The following SEMA3D variants were observed in gnomAD, a reference collection of about 807,000 sequenced individuals.
SEMA3D encodes the protein semaphorin-3D.
In SEMA3D, 84 loss-of-function variants were observed where a neutral mutation model predicts 100.1. The observed-to-expected ratio is 0.84, with a 90% CI of 0.70 to 1.01. The LOEUF (loss-of-function observed/expected upper bound fraction) is 1.01, where lower values mean the gene tolerates loss of function less well. Ranked by LOEUF, SEMA3D falls within the 50% of genes least tolerant of loss-of-function variation. SEMA3D has a pLI of 0.00. For synonymous variants in SEMA3D, 312 were observed against 320.7 expected, an observed-to-expected ratio of 0.97 and a Z score of 0.29; for missense variants, 875 against 934.1, an observed-to-expected ratio of 0.94 and a Z score of 0.82.
the SEMA3D span, among the ~76,000 whole-genome samples, chr7:85,205,940 C>T: frequency 1.3e-5 from 2 of 152,110 alleles, no homozygotes; most frequent in African/African-American, 4.8e-5. Flanking sequence ...AGTCACAGGT[C>T]AGGCAGTTTC....
intron 9 of SEMA3D, among the ~76,000 whole-genome samples, chr7:85,044,490 A>G (rs1330184811): frequency 6.6e-6 from 1 of 152,170 alleles, no homozygotes; most frequent in African/African-American, 2.4e-5. Context: ...TTTTAAAATA[A>G]TAACTTTGAA....
At chr7:85,208,196 T>G in the SEMA3D span, among the ~76,000 whole-genome samples, 5 of 152,028 alleles carry the variant, frequency 3.3e-5, no homozygotes, top group African/African-American at 1.2e-4. Flanking sequence ...CTTAAACATT[T>G]AAAATATTTT....
chr7:85,202,831 T>TG, the SEMA3D span, among the ~76,000 whole-genome samples: 2 of 151,780 alleles, frequency 1.3e-5, no homozygotes, highest in Admixed American at 6.6e-5. Context: ...TCTCTTTTTT[T>TG]TTAAACACAA....
chr7:85,186,236 C>T (rs1195654187), intron 1 of SEMA3D, among the ~76,000 whole-genome samples: 5 of 152,166 alleles, frequency 3.3e-5, no homozygotes, highest in Non-Finnish European at 4.4e-5. Flanking sequence ...CCGACTAAAG[C>T]GTCTCCAAAT....
At chr7:85,159,483 C>T (rs949078126) in intron 1 of SEMA3D, among the ~76,000 whole-genome samples, 5 of 152,136 alleles carry the variant, frequency 3.3e-5, no homozygotes, top group African/African-American at 1.2e-4. Context: ...CACTTCCATC[C>T]TCTGGTCATA....
chr7:85,134,983 T>C lies in SEMA3D; in HGVS notation c.-40-13052A>G, dbSNP rs539937133. Among the ~76,000 whole-genome samples, 4 of 151,758 alleles carry C rather than the reference T, an allele frequency of 2.6e-5. No individual in the cohort carries two copies. In the South Asian group the frequency reaches 6.2e-4, roughly 24 times the overall value. On this transcript the variant is annotated intron_variant, in intron 2 of 18. Transcript: ENST00000284136. ...ATTCTTTGTAATTCTGGGTATCTTT[T>C]TGCAAGTTTTTAGAACCACATTTTT...
intron 17 of SEMA3D, 97 bp downstream of exon 17, chr7:85,012,685 C>G: frequency 1.1e-6 from 1 of 894,782 alleles, no homozygotes; most frequent in East Asian, 2.6e-5. Context: ...TGGAGATATT[C>G]TTATATAATA....
chr7:85,083,318 G>T (rs1446486208), intron 4 of SEMA3D, among the ~76,000 whole-genome samples: 2 of 152,068 alleles, frequency 1.3e-5, no homozygotes, highest in Non-Finnish European at 2.9e-5. Context: ...AAGAAAAAGA[G>T]AATAATGTAA....
chr7:85,127,152 A>G (rs997250181), intron 2 of SEMA3D, among the ~76,000 whole-genome samples: 3 of 151,998 alleles, frequency 2.0e-5, no homozygotes, highest in African/African-American at 7.2e-5. Context: ...CTACTTCCAA[A>G]CCTCTTTATG....
chr7:85,001,110 C>T (rs1789643380), intron 18 of SEMA3D, among the ~76,000 whole-genome samples: 1 of 152,148 alleles, frequency 6.6e-6, no homozygotes, highest in Non-Finnish European at 1.5e-5. Flanking sequence ...CTCTGGCTAC[C>T]AGCCCAGTTA....
the SEMA3D span, among the ~76,000 whole-genome samples, chr7:85,227,969 C>G: frequency 6.6e-6 from 1 of 152,026 alleles, no homozygotes; most frequent in African/African-American, 2.4e-5. Context: ...ATAAATTGTT[C>G]TTGCTTCCTC....
chr7:85,082,808 T>C lies in SEMA3D; in HGVS notation c.313-1229A>G, dbSNP rs1207611714. Among the ~76,000 whole-genome samples the C allele has an allele frequency of 2.0e-5, 3 of 152,208 alleles. No homozygotes were observed. In the East Asian group the frequency reaches 5.8e-4, roughly 29 times the overall value. On this transcript the variant is annotated intron_variant, in intron 4 of 18. Transcript: ENST00000284136. ...ATTGAGATTTTAAACCGGAGCAAGA[T>C]TGTTTACTTAGAGAAGATCTTAACA...
At chr7:85,226,187 C>A in the SEMA3D span, among the ~76,000 whole-genome samples, 1 of 152,088 alleles carries the variant, frequency 6.6e-6, no homozygotes, top group Non-Finnish European at 1.5e-5. Context: ...ATAGTCTTTA[C>A]CAGCTTGAAT....
At chr7:85,238,657 A>G in the SEMA3D span, among the ~76,000 whole-genome samples, 7 of 152,090 alleles carry the variant, frequency 4.6e-5, no homozygotes, top group Non-Finnish European at 1.0e-4. Flanking sequence ...TTCCTCATTC[A>G]ATGTTAATTT....
At chr7:85,180,664 C>A (rs908540861) in intron 1 of SEMA3D, among the ~76,000 whole-genome samples, 1 of 152,134 alleles carries the variant, frequency 6.6e-6, no homozygotes, top group Non-Finnish European at 1.5e-5. Context: ...ACATTTTTTA[C>A]AATTAATGAA....
intron 18 of SEMA3D, 49 bp from the exon 19 acceptor site, chr7:84,999,914 A>G (rs546514006): frequency 6.7e-7 from 1 of 1,490,118 alleles, no homozygotes; most frequent in East Asian, 2.3e-5. Context: ...AGAGAGAGCT[A>G]AGAGCAAATG....
At chr7:85,079,936 T>G (rs1308032991) in intron 5 of SEMA3D, among the ~76,000 whole-genome samples, 1 of 152,176 alleles carries the variant, frequency 6.6e-6, no homozygotes, top group African/African-American at 2.4e-5. Context: ...TGTTGGACTA[T>G]TGAACTGGAT....
the SEMA3D span, among the ~76,000 whole-genome samples, chr7:85,197,834 T>C: frequency 6.6e-6 from 1 of 152,282 alleles, no homozygotes; most frequent in South Asian, 2.1e-4. Flanking sequence ...GGCAACACTC[T>C]CTGAAATAGC....
intron 1 of SEMA3D, among the ~76,000 whole-genome samples, chr7:85,178,114 T>C (rs1355338283): frequency 6.6e-6 from 1 of 152,200 alleles, no homozygotes; most frequent in African/African-American, 2.4e-5. Context: ...GATTGTAAGT[T>C]TCCTGAGGCC....
Sources: gnomAD v4.1 joint callset for allele counts (sites outside exome capture counted in the v4.1 genomes callset) on GRCh38, gnomAD v4.1.1 for gene constraint, MANE v1.5 for transcripts, NCBI Gene and HGNC (gene_info 2026-07-23, HGNC 2026-07-21) for gene names.